Variants in BICD1 observed in about 807,000 individuals in gnomAD.
BICD1 encodes protein bicaudal D homolog 1.
A neutral mutation model predicts 92.5 loss-of-function variants in BICD1; 35 were observed. The observed-to-expected ratio is 0.38, with a 90% CI of 0.29 to 0.50. The LOEUF is 0.50. Among genes scored for constraint, BICD1 ranks in the 20% least tolerant of loss-of-function variants. BICD1 has a pLI of 0.93. For synonymous variants in BICD1, 429 were observed against 465.1 expected (o/e 0.92, Z 1.00); for missense variants, 950 against 1,189.8 (o/e 0.80, Z 2.97).
chr12:32,356,380 G>A (rs1222793732), intron 8 of BICD1, among the ~76,000 whole-genome samples: 5 of 152,112 alleles, frequency 3.3e-5, no homozygotes, highest in African/African-American at 4.8e-5. Context: ...GGCCAGGCGC[G>A]GTGGCTCATG....
chr12:32,203,979 T>C (rs1944979890), intron 1 of BICD1, among the ~76,000 whole-genome samples: 3 of 152,110 alleles, frequency 2.0e-5, no homozygotes, highest in Admixed American at 2.0e-4. Flanking sequence ...GCCATACATG[T>C]AACTGACAAA....
intron 2 of BICD1, among the ~76,000 whole-genome samples, chr12:32,224,425 A>G (rs1205550780): frequency 3.3e-5 from 5 of 152,256 alleles, no homozygotes; most frequent in Admixed American, 2.6e-4. Flanking sequence ...TTCTCTCAAC[A>G]AACTTGCAGC....
chr12:32,294,822 C>G (rs540101352), intron 3 of BICD1, among the ~76,000 whole-genome samples: 1 of 151,746 alleles, frequency 6.6e-6, no homozygotes, highest in East Asian at 1.9e-4. Context: ...TGGTTCATGC[C>G]CGTAATCCCA....
chr12:32,324,475 A>G (rs1565671040), intron 4 of BICD1, among the ~76,000 whole-genome samples: 1 of 152,146 alleles, frequency 6.6e-6, no homozygotes, highest in African/African-American at 2.4e-5. Flanking sequence ...CTGCACTTTA[A>G]ACATCTGGAA....
At chr12:32,119,869 TCAAAA>T (rs5797453) in intron 1 of BICD1, among the ~76,000 whole-genome samples, 4 of 150,858 alleles carry the variant, frequency 2.7e-5, no homozygotes, top group Admixed American at 6.6e-5. Context: ...AGACTCTGTC[TCAAAA>T]CAAAACAAAA....
intron 1 of BICD1, among the ~76,000 whole-genome samples, chr12:32,196,234 G>T (rs1452285708): frequency 1.3e-5 from 2 of 152,020 alleles, no homozygotes; most frequent in Non-Finnish European, 2.9e-5. Flanking sequence ...AAACAGTATG[G>T]ACGTTCTTCC....
At chr12:32,228,828 G>T (rs1434967460) in intron 2 of BICD1, among the ~76,000 whole-genome samples, 1 of 152,142 alleles carries the variant, frequency 6.6e-6, no homozygotes, top group Non-Finnish European at 1.5e-5. Flanking sequence ...TAGGAAGGAA[G>T]GTCAGAAGTT....
chr12:32,319,755 T>C (rs938644930), intron 4 of BICD1, among the ~76,000 whole-genome samples: 2 of 152,078 alleles, frequency 1.3e-5, no homozygotes, highest in Non-Finnish European at 2.9e-5. Context: ...TTTTTGTATT[T>C]TTAGTAGAGA....
At position 32,338,809 on chromosome 12, in the gene BICD1, A is replaced by G; in HGVS notation, c.2594A>G (p.Asp865Gly). Residue 865 changes from aspartate (D) to glycine (G), a missense_variant, in exon 8 of 10, where the codon GAT (aspartate) becomes GGT (glycine). Coordinates refer to ENST00000652176, the MANE Select transcript of BICD1 (RefSeq NM_001714.4). ...AGACAATTTTCACCTTCCCTTTGTG[A>G]TCAGAGCCGTCCCAGGACTTCAGGG... Reference protein sequence around the residue: ...RKRQFSPSLCDQSRPRTSGAS... With the variant: ...RKRQFSPSLCGQSRPRTSGAS... 1.9e-6 allele frequency: 3 copies of G among 1,594,304 alleles called. No individual in the cohort carries two copies. Among genetic ancestry groups the G allele is most frequent in the Non-Finnish European group, 1.7e-6 (2 of 1,172,420 alleles).
chr12:32,306,130 C>A lies in BICD1; in HGVS notation c.1005+8C>A, dbSNP rs1182902999. The A allele has an allele frequency of 1.9e-6, 3 of 1,573,392 alleles. No individual in the cohort carries two copies. The highest frequency in any genetic ancestry group is 1.2e-5 in the South Asian group (1 of 82,858). ...AAGCAGCAGCTTATGCAGGTAAGAA[C>A]TTTGTTTAGGGCCGCTAGAGTGAAT... On this transcript the variant is annotated splice_region_variant and intron_variant, in intron 4 of 9. Transcript: ENST00000652176.
At chr12:32,306,402 C>T (rs1262572494) in intron 4 of BICD1, among the ~76,000 whole-genome samples, 1 of 151,788 alleles carries the variant, frequency 6.6e-6, no homozygotes, top group Non-Finnish European at 1.5e-5. Context: ...CGCCACCATG[C>T]CCGGCTAATT....
chr12:32,306,479 C>T (rs541563980), intron 4 of BICD1, among the ~76,000 whole-genome samples: 184 of 151,986 alleles, frequency 1.2e-3, no homozygotes, highest in Middle Eastern at 3.4e-3. Flanking sequence ...CTCCTGACTT[C>T]GTGATCCGCC....
intron 4 of BICD1, among the ~76,000 whole-genome samples, chr12:32,326,185 TA>T (rs1434069528): frequency 1.3e-5 from 2 of 152,064 alleles, no homozygotes; most frequent in African/African-American, 2.4e-5. Flanking sequence ...CATGATGGTT[TA>T]TTTTTTAAAA....
At chr12:32,319,689 T>G (rs1228361193) in intron 4 of BICD1, among the ~76,000 whole-genome samples, 2 of 151,654 alleles carry the variant, frequency 1.3e-5, no homozygotes, top group African/African-American at 4.8e-5. Flanking sequence ...GCAATTCTCC[T>G]GCCTCAGCCT....
At chr12:32,243,587 T>C (rs1467865365) in intron 2 of BICD1, among the ~76,000 whole-genome samples, 3 of 152,188 alleles carry the variant, frequency 2.0e-5, no homozygotes, top group Non-Finnish European at 4.4e-5. Flanking sequence ...CAAAAAATTA[T>C]TGATTTTCTT....
chr12:32,322,392 G>C (rs1592671227), intron 4 of BICD1, among the ~76,000 whole-genome samples: 1 of 152,164 alleles, frequency 6.6e-6, no homozygotes, highest in Non-Finnish European at 1.5e-5. Context: ...TCCACAGATA[G>C]GGTGCGGGTG....
At chr12:32,351,348 T>G (rs1938866511) in intron 8 of BICD1, among the ~76,000 whole-genome samples, 1 of 151,078 alleles carries the variant, frequency 6.6e-6, no homozygotes, top group Non-Finnish European at 1.5e-5. Context: ...TAGCCGGGCA[T>G]GGTGGCGCAC....
chr12:32,149,952 T>C (rs1048649962), intron 1 of BICD1, among the ~76,000 whole-genome samples: 5 of 152,212 alleles, frequency 3.3e-5, no homozygotes, highest in African/African-American at 1.2e-4. Context: ...ATTTATTTAA[T>C]GGACTTGCAG....
intron 2 of BICD1, among the ~76,000 whole-genome samples, chr12:32,280,421 G>A (rs1592603604): frequency 6.6e-6 from 1 of 152,320 alleles, no homozygotes; most frequent in East Asian, 1.9e-4. Context: ...TGGATTATAG[G>A]CAGTAAATTG....
Sources: allele counts gnomAD v4.1 joint callset (sites outside exome capture counted in the v4.1 genomes callset), GRCh38; gene constraint gnomAD v4.1.1; transcripts MANE v1.5; gene names NCBI Gene and HGNC (gene_info 2026-07-23, HGNC 2026-07-21).